Variants in ANTXR2 observed in about 807,000 individuals in gnomAD.
The protein encoded by ANTXR2 is ANTXR cell adhesion molecule 2.
ANTXR2 carries 44 observed loss-of-function variants against 73.7 expected under a neutral mutation model. That is an observed-to-expected ratio of 0.60 (90% CI 0.47 to 0.77). The LOEUF (loss-of-function observed/expected upper bound fraction) is 0.77, where lower values mean the gene tolerates loss of function less well. Ranked by LOEUF, ANTXR2 falls within the 30% of genes least tolerant of loss-of-function variation. ANTXR2 has a pLI of 0.00. For missense variants in ANTXR2, 604 were observed against 592.5 expected, an observed-to-expected ratio of 1.02 and a Z score of -0.20; for synonymous variants, 217 against 205.9, an observed-to-expected ratio of 1.05 and a Z score of -0.46.
chr4:80,034,267 T>A (rs529542203), intron 8 of ANTXR2, among the ~76,000 whole-genome samples: 1 of 152,242 alleles, frequency 6.6e-6, no homozygotes, highest in East Asian at 1.9e-4. Flanking sequence ...AGTTAACTGA[T>A]CAAATATCTT....
intron 12 of ANTXR2, among the ~76,000 whole-genome samples, chr4:79,999,594 AC>A (rs1730918919): frequency 6.6e-6 from 1 of 152,012 alleles, no homozygotes; most frequent in African/African-American, 2.4e-5. Context: ...AATTTAAAGG[AC>A]CCCAATCATA....
At chr4:80,071,682 G>T in intron 1 of ANTXR2, 28 bp from the exon 2 acceptor site, 1 of 1,551,554 alleles carries the variant, frequency 6.4e-7, no homozygotes. Flanking sequence ...ACTGATCAGA[G>T]AAACAAAACA....
At chr4:80,028,954 A>G (rs1456624953) in intron 10 of ANTXR2, among the ~76,000 whole-genome samples, 1 of 152,152 alleles carries the variant, frequency 6.6e-6, no homozygotes, top group Non-Finnish European at 1.5e-5. Flanking sequence ...CTTTGCTTCA[A>G]TGGTATCATG....
intron 16 of ANTXR2, among the ~76,000 whole-genome samples, chr4:79,924,984 TC>T (rs1727725483): frequency 1.3e-5 from 2 of 152,132 alleles, no homozygotes; most frequent in African/African-American, 4.8e-5. Flanking sequence ...TTGAATGGCA[TC>T]CCTGAGAAAA....
chr4:79,959,954 A>G (rs541402586), intron 16 of ANTXR2, among the ~76,000 whole-genome samples: 5 of 152,334 alleles, frequency 3.3e-5, no homozygotes, highest in African/African-American at 1.2e-4. Flanking sequence ...AAAGAATTAG[A>G]GAAAGATAAT....
At chr4:79,980,547 G>A (rs1039297819) in intron 14 of ANTXR2, among the ~76,000 whole-genome samples, 4 of 152,170 alleles carry the variant, frequency 2.6e-5, no homozygotes, top group South Asian at 2.1e-4. Context: ...TTCATTATAA[G>A]CAATAAAATT....
At chr4:79,980,921 T>TAAAAAA (rs11397721) in intron 14 of ANTXR2, among the ~76,000 whole-genome samples, 43 of 137,566 alleles carry the variant, frequency 3.1e-4, no homozygotes, top group African/African-American at 1.0e-3. Context: ...TTAAGGGCTT[T>TAAAAAA]AAAAAAAAAA....
Position 80,031,710 on chromosome 4 carries a change from A to T in ANTXR2, c.797-18T>A. ...TTTTACACCTAGAAAATAAAATGCC[A>T]CTGAATTAGTAAAGGGTTTTATGCA... On this transcript the variant is annotated intron_variant, in intron 9 of 16. Coordinates refer to ENST00000403729, the MANE Select transcript of ANTXR2 (RefSeq NM_058172.6). 7.0e-7 allele frequency: 1 copy of T among 1,424,300 alleles called. No homozygotes were observed. Among genetic ancestry groups the T allele is most frequent in the Non-Finnish European group, 9.2e-7 (1 of 1,082,558 alleles). The allele number at this position is 1,424,300 out of a possible 1,614,324, so 88.2% of individuals were successfully genotyped here.
At position 79,938,030 on chromosome 4, in the gene ANTXR2, C is replaced by T. The variant is rs1209746309; in HGVS notation, c.1429-30563G>A. The stretch of plus-strand genomic sequence containing the variant: ...GCGCTTTTCAGACCGGCTTAAGAAA[C>T]GGCGCACCACGAGACTATATCCCAC... On this transcript the variant is annotated intron_variant, in intron 16 of 16. Coordinates refer to ENST00000403729, the MANE Select transcript of ANTXR2 (RefSeq NM_058172.6). 5.5e-3 allele frequency among the ~76,000 whole-genome samples: 288 copies of T among 52,572 alleles called. 4 individuals carry two copies. Among genetic ancestry groups the T allele is most frequent in the African/African-American group, 0.023 (271 of 11,770 alleles). 34.5% of individuals were successfully genotyped at this position (52,572 alleles called of 152,430 possible).
chr4:80,058,130 T>C (rs1403704048), intron 3 of ANTXR2, among the ~76,000 whole-genome samples: 1 of 152,094 alleles, frequency 6.6e-6, no homozygotes, highest in African/African-American at 2.4e-5. Context: ...AGATTTTGCA[T>C]AAGACAGCCT....
At chr4:79,959,673 G>A (rs951163987) in intron 16 of ANTXR2, among the ~76,000 whole-genome samples, 1 of 152,154 alleles carries the variant, frequency 6.6e-6, no homozygotes, top group African/African-American at 2.4e-5. Context: ...ATCTGGTGAG[G>A]GATAGAGCAA....
intron 16 of ANTXR2, among the ~76,000 whole-genome samples, chr4:79,910,510 A>AAAAAAAAAAAAAGAAAAAAAAG (rs1347611421): frequency 7.0e-5 from 9 of 129,454 alleles, no homozygotes; most frequent in African/African-American, 2.7e-4. Flanking sequence ...TCCGTCTCAA[A>AAAAAAAAAAAAAGAAAAAAAAG]AAAAAAAAAA....
At chr4:79,926,952 T>TACACGTGTGCATATATGTGTATATATAC (rs141662949) in intron 16 of ANTXR2, among the ~76,000 whole-genome samples, 4 of 95,752 alleles carry the variant, frequency 4.2e-5, no homozygotes, top group African/African-American at 2.0e-4. Flanking sequence ...TGTGTATATA[T>TACACGTGTGCATATATGTGTATATATAC]ACGTGTGCAT....
chr4:80,021,709 C>A (rs1400307569), intron 10 of ANTXR2, among the ~76,000 whole-genome samples: 2 of 151,928 alleles, frequency 1.3e-5, no homozygotes, highest in African/African-American at 4.8e-5. Flanking sequence ...GATCTTGTAA[C>A]CGACAAAAAT....
intron 16 of ANTXR2, among the ~76,000 whole-genome samples, chr4:79,956,984 C>T (rs1293012066): frequency 6.6e-6 from 1 of 151,930 alleles, no homozygotes; most frequent in African/African-American, 2.4e-5. Flanking sequence ...CCTAAGAATC[C>T]ACTTGACCAC....
intron 12 of ANTXR2, among the ~76,000 whole-genome samples, chr4:80,007,427 A>G (rs1360619754): frequency 6.6e-6 from 1 of 152,182 alleles, no homozygotes; most frequent in Non-Finnish European, 1.5e-5. Context: ...AACAATCTAA[A>G]TTGGATTGCT....
At chr4:80,052,498 C>T (rs1246304571) in intron 7 of ANTXR2, among the ~76,000 whole-genome samples, 2 of 151,644 alleles carry the variant, frequency 1.3e-5, no homozygotes, top group East Asian at 3.9e-4. Context: ...GTTGTAATGG[C>T]TCCTTCTTTC....
chr4:79,932,142 G>T (rs920065469), intron 16 of ANTXR2, among the ~76,000 whole-genome samples: 3 of 151,908 alleles, frequency 2.0e-5, no homozygotes, highest in Non-Finnish European at 4.4e-5. Context: ...CACAGTGCCT[G>T]GTAATACATT....
intron 16 of ANTXR2, among the ~76,000 whole-genome samples, chr4:79,928,738 A>G (rs988398555): frequency 2.0e-5 from 3 of 152,134 alleles, no homozygotes; most frequent in Admixed American, 6.6e-5. Context: ...TTTTTTATAA[A>G]TTACTAATGC....
Sources: gnomAD v4.1 joint callset for allele counts (sites outside exome capture counted in the v4.1 genomes callset) on GRCh38, gnomAD v4.1.1 for gene constraint, MANE v1.5 for transcripts, NCBI Gene and HGNC (gene_info 2026-07-23, HGNC 2026-07-21) for gene names.